The following PCDHGA6 variants were observed in gnomAD, a reference collection of about 807,000 sequenced individuals.
The protein encoded by PCDHGA6 is protocadherin gamma-A6.
PCDHGA6 carries 41 observed loss-of-function variants against 60.6 expected under a neutral mutation model. The observed-to-expected ratio is 0.68, with a 90% CI of 0.53 to 0.88. The LOEUF (loss-of-function observed/expected upper bound fraction) is 0.88, where lower values mean the gene tolerates loss of function less well. Among genes scored for constraint, PCDHGA6 ranks in the 40% least tolerant of loss-of-function variants. The pLI is 0.00. For synonymous variants in PCDHGA6, 594 were observed against 524.4 expected (o/e 1.13, Z -1.81); for missense variants, 1,312 against 1,203.0 (o/e 1.09, Z -1.34).
intron 1 of PCDHGA6, chr5:141,428,257 G>T: frequency 1.2e-6 from 1 of 865,866 alleles, no homozygotes; most frequent in South Asian, 1.4e-5. Context: ...AGACTTCAGT[G>T]ACAGTCCTGT....
chr5:141,404,119 T>G, intron 1 of PCDHGA6: 1 of 1,613,504 alleles, frequency 6.2e-7, no homozygotes, highest in Non-Finnish European at 8.5e-7. Flanking sequence ...TCCAGGAGAA[T>G]CTATCTTTTA....
In PCDHGA6 at chr5:141,490,007, C is replaced by T. The variant is rs766407642; in HGVS notation, c.2425-4800C>T. On this transcript the variant is annotated intron_variant, in intron 1 of 3. Coordinates refer to ENST00000517434, the MANE Select transcript of PCDHGA6 (RefSeq NM_018919.3). The surrounding 1 kb of genome is among the most constrained non-coding windows in gnomAD (Gnocchi z 5.4). ...CGTGTGGGAATCCCAGAGAATGCACCCATTGGTACTCTGCTGCTCCGCCTC... is the reference window on the plus strand; with the variant it reads ...CGTGTGGGAATCCCAGAGAATGCACTCATTGGTACTCTGCTGCTCCGCCTC... 6.2e-7 allele frequency: 1 copy of T among 1,614,200 alleles called. No homozygotes were observed. The highest frequency in any genetic ancestry group is 8.5e-7 in the Non-Finnish European group (1 of 1,180,016).
At chr5:141,448,247 A>G (rs1449158776) in intron 1 of PCDHGA6, among the ~76,000 whole-genome samples, 1 of 152,104 alleles carries the variant, frequency 6.6e-6, no homozygotes, top group Non-Finnish European at 1.5e-5. Flanking sequence ...TTTGCACAAC[A>G]GGATCATTTT....
intron 1 of PCDHGA6, among the ~76,000 whole-genome samples, chr5:141,482,755 T>TGAAGTGGGAGAATTGCTTGAGCCTGGG (rs1554165462): frequency 6.3e-5 from 9 of 143,570 alleles, no homozygotes; most frequent in African/African-American, 1.4e-4. Context: ...GGGATTATGG[T>TGAAGTGGGAGAATTGCTTGAGCCTGGG]ATTTCATTAT....
intron 1 of PCDHGA6, chr5:141,388,796 A>G: frequency 6.2e-7 from 1 of 1,613,952 alleles, no homozygotes; most frequent in Non-Finnish European, 8.5e-7. Flanking sequence ...TTTTAAATAC[A>G]TTAGATTTTG....
intron 1 of PCDHGA6, among the ~76,000 whole-genome samples, chr5:141,465,348 A>C (rs886810999): frequency 6.6e-6 from 1 of 152,158 alleles, no homozygotes; most frequent in African/African-American, 2.4e-5. Context: ...GTTACTGAAG[A>C]AAAAATGGGT....
Position 141,374,219 on chromosome 5 carries a change from G to C in PCDHGA6, c.136G>C (p.Gly46Arg). The change falls in exon 1 of 4, where the codon GGC becomes CGC. Residue 46 changes from glycine to arginine, a missense_variant. By Grantham distance (125) the Gly-to-Arg change is moderately radical (BLOSUM62 -2). Coordinates refer to ENST00000517434, the MANE Select transcript of PCDHGA6 (RefSeq NM_018919.3). ...PEELEKGSFV[G>R]NIVKDLGLEP... The stretch of plus-strand genomic sequence containing the variant: ...GGAGCTGGAGAAAGGCTCCTTCGTA[G>C]GCAACATCGTCAAGGATCTGGGACT... The C allele has an allele frequency of 6.2e-7, 1 of 1,614,020 alleles. No individual in the cohort carries two copies. The highest frequency in any genetic ancestry group is 1.3e-5 in the African/African-American group (1 of 75,068).
chr5:141,452,791 C>T (rs1202677389), intron 1 of PCDHGA6, among the ~76,000 whole-genome samples: 2 of 152,156 alleles, frequency 1.3e-5, no homozygotes, highest in Non-Finnish European at 2.9e-5. Context: ...AACATACCAT[C>T]ATTTTTGCTG....
At chr5:141,427,603 T>G in intron 1 of PCDHGA6, 2 of 681,440 alleles carry the variant, frequency 2.9e-6, no homozygotes, top group East Asian at 2.8e-5. Flanking sequence ...ACCCTACGCA[T>G]TGGTGAAGTC....
Position 141,383,518 on chromosome 5 carries a change from G to A in PCDHGA6, c.2424+7011G>A, listed in dbSNP as rs1286743255. The A allele has an allele frequency of 2.5e-6, 4 of 1,612,554 alleles. 1 individual carries two copies. The highest frequency in any genetic ancestry group is 2.2e-5 in the South Asian group (2 of 90,928). On this transcript the variant is annotated intron_variant, in intron 1 of 3. Coordinates refer to ENST00000517434, the MANE Select transcript of PCDHGA6 (RefSeq NM_018919.3). The stretch of plus-strand genomic sequence containing the variant: ...GGTGCTGGACCGGGAGGAAGAGCGG[G>A]TTCACCACCTGGTCCTCACAGCCTC...
chr5:141,392,101 C>G (rs1234202076), intron 1 of PCDHGA6: 1 of 152,130 alleles, frequency 6.6e-6, no homozygotes, highest in Non-Finnish European at 1.5e-5. Context: ...AATTTAAAAG[C>G]AACAACTCTA....
chr5:141,422,877 C>A, intron 1 of PCDHGA6: 1 of 1,614,246 alleles, frequency 6.2e-7, no homozygotes. Context: ...TGTCGCTGAG[C>A]CTGTTCGTGC....
Position 141,388,879 on chromosome 5 carries a change from A to C in PCDHGA6, c.2424+12372A>C, listed in dbSNP as rs771776263. 3 of 1,613,956 alleles carry C rather than the reference A, an allele frequency of 1.9e-6. No individual in the cohort carries two copies. In the East Asian group the frequency reaches 6.7e-5, roughly 36 times the overall value. ...GGAATGATTGCGCAATGCACAGTGG[A>C]GGTAGAAGTCATAGATGAAAATGAC... On this transcript the variant is annotated intron_variant, in intron 1 of 3. Transcript: ENST00000517434.
At position 141,375,127 on chromosome 5, in the gene PCDHGA6, T is replaced by C. The variant is rs368439130; in HGVS notation, c.1044T>C (p.Val348=). ...LDVNDNVPEV[V]VTSGSRTIAE... Reference sequence around the variant, plus strand: ...TCAATGATAATGTACCAGAAGTGGTTGTTACATCTGGAAGCAGAACAATTG... The same window carrying C: ...TCAATGATAATGTACCAGAAGTGGTCGTTACATCTGGAAGCAGAACAATTG... Residue 348 remains valine (V), a synonymous_variant, in exon 1 of 4, where the codon GTT becomes GTC. Transcript: ENST00000517434. 4 of 1,613,808 alleles carry C rather than the reference T, an allele frequency of 2.5e-6. No homozygotes were observed. The highest frequency in any genetic ancestry group is 1.3e-5 in the African/African-American group (1 of 74,932).
intron 1 of PCDHGA6, chr5:141,398,353 A>G: frequency 2.9e-6 from 4 of 1,397,978 alleles, no homozygotes; most frequent in Non-Finnish European, 4.0e-6. Flanking sequence ...GCCTTACTTC[A>G]CCGTGAGCGC....
At chr5:141,497,478 C>A (rs974494984) in intron 2 of PCDHGA6, among the ~76,000 whole-genome samples, 1 of 150,954 alleles carries the variant, frequency 6.6e-6, no homozygotes, top group African/African-American at 2.4e-5. Flanking sequence ...GGAGAAGGTG[C>A]GGAACCTCTC....
At chr5:141,399,916 A>G in intron 1 of PCDHGA6, 3 of 1,612,378 alleles carry the variant, frequency 1.9e-6, no homozygotes, top group Non-Finnish European at 1.7e-6. Context: ...CTCAGGACAC[A>G]ACGCCTGGCT....
chr5:141,394,485 A>G (rs376708104), intron 1 of PCDHGA6: 3 of 1,614,184 alleles, frequency 1.9e-6, no homozygotes, highest in Non-Finnish European at 2.5e-6. Flanking sequence ...CCAGAATGAC[A>G]ACGCGCCCGA....
rs775416808 is a variant in PCDHGA6, at chr5:141,429,727, G to A, written c.2424+53220G>A. ...TAAATATTTACGCTCATGAAAGTAC[G>A]TAGCCAGTTATTTCTTAGGGAGAAT... On this transcript the variant is annotated intron_variant, in intron 1 of 3. Transcript: ENST00000517434. 7.2e-5 allele frequency among the ~76,000 whole-genome samples: 11 copies of A among 152,158 alleles called. 1 individual carries two copies. The highest frequency in any genetic ancestry group is 1.9e-4 in the East Asian group (1 of 5,188).
Sources: gnomAD v4.1 joint callset for allele counts (sites outside exome capture counted in the v4.1 genomes callset) on GRCh38, gnomAD v4.1.1 for gene constraint, Gnocchi (gnomAD v3.1) non-coding constraint, MANE v1.5 for transcripts, NCBI Gene and HGNC (gene_info 2026-07-23, HGNC 2026-07-21) for gene names.